The following HMCN1 variants were observed in gnomAD, a reference collection of about 807,000 sequenced individuals.
HMCN1 encodes the protein hemicentin-1.
A neutral mutation model predicts 625.9 loss-of-function variants in HMCN1; 321 were observed. That is an observed-to-expected ratio of 0.51 (90% CI 0.47 to 0.56). The LOEUF is 0.56. Among genes scored for constraint, HMCN1 ranks in the 20% least tolerant of loss-of-function variants. HMCN1 has a pLI of 0.00. For synonymous variants in HMCN1, 2,425 were observed against 2,417.6 expected, an observed-to-expected ratio of 1.00 and a Z score of -0.09; for missense variants, 6,588 against 6,887.3, an observed-to-expected ratio of 0.96 and a Z score of 1.54.
chr1:185,797,683 T>TAGATTTCTTTTGTGCA (rs1553241679), intron 1 of HMCN1, among the ~76,000 whole-genome samples: 17 of 147,822 alleles, frequency 1.2e-4, no homozygotes, highest in African/African-American at 4.3e-4. Context: ...AAGACTTGTT[T>TAGATTTCTTTTGTGCA]TGGCCGGGCG....
intron 36 of HMCN1, among the ~76,000 whole-genome samples, chr1:186,025,705 A>T (rs1482174711): frequency 6.6e-6 from 1 of 152,206 alleles, no homozygotes; most frequent in Non-Finnish European, 1.5e-5. Context: ...CGGGAGATGC[A>T]ATTAGGGTGC....
chr1:186,116,918 G>A, intron 75 of HMCN1, 76 bp from the exon 76 acceptor site: 3 of 1,515,380 alleles, frequency 2.0e-6, no homozygotes, highest in African/African-American at 1.4e-5. Context: ...TTACAACATG[G>A]TACCATGTTA....
intron 4 of HMCN1, among the ~76,000 whole-genome samples, chr1:185,900,544 G>A (rs773766725): frequency 8.6e-5 from 13 of 151,810 alleles, no homozygotes; most frequent in Non-Finnish European, 1.3e-4. Context: ...CACATAGATG[G>A]CTCATCTTTT....
At chr1:186,167,551 T>C (rs1442784867) in intron 100 of HMCN1, among the ~76,000 whole-genome samples, 1 of 152,178 alleles carries the variant, frequency 6.6e-6, no homozygotes, top group Admixed American at 6.5e-5. Context: ...TTCTATGGGT[T>C]TGCAAAAATT....
intron 1 of HMCN1, among the ~76,000 whole-genome samples, chr1:185,808,443 C>T (rs1038218141): frequency 1.3e-5 from 2 of 152,174 alleles, no homozygotes; most frequent in South Asian, 2.1e-4. Context: ...CACTTGAGCC[C>T]GGAAAGTTGA....
intron 4 of HMCN1, among the ~76,000 whole-genome samples, chr1:185,880,339 C>T (rs937943172): frequency 1.8e-4 from 27 of 152,118 alleles, no homozygotes; most frequent in Admixed American, 5.9e-4. Context: ...GCAGGTAATT[C>T]CATACTAGGG....
At chr1:186,041,334 A>G (rs552126234) in intron 40 of HMCN1, among the ~76,000 whole-genome samples, 198 bp downstream of exon 40, 1 of 152,144 alleles carries the variant, frequency 6.6e-6, no homozygotes, top group Non-Finnish European at 1.5e-5. Flanking sequence ...GTTCTGAGAA[A>G]GTAAAATGCA....
At chr1:186,143,253 C>A (rs988146736) in intron 89 of HMCN1, among the ~76,000 whole-genome samples, 3 of 152,192 alleles carry the variant, frequency 2.0e-5, no homozygotes, top group Admixed American at 6.5e-5. Flanking sequence ...TGGTTTTCAA[C>A]TTGTTCTGGA....
At chr1:185,924,926 G>A in intron 8 of HMCN1, 121 bp from the exon 9 acceptor site, 1 of 887,706 alleles carries the variant, frequency 1.1e-6, no homozygotes, top group South Asian at 1.4e-5. Context: ...TAATTGGAAT[G>A]CAGAGGATTT....
chr1:185,739,979 G>GA (rs944376538), intron 1 of HMCN1, among the ~76,000 whole-genome samples: 1 of 152,206 alleles, frequency 6.6e-6, no homozygotes, highest in South Asian at 2.1e-4. Context: ...TACAGGTGGA[G>GA]AAAAAATAAA....
chr1:186,189,267 T>G (rs73042580), intron 106 of HMCN1, among the ~76,000 whole-genome samples: 2,972 of 152,312 alleles, frequency 0.02, 88 homozygotes, highest in African/African-American at 0.067. Context: ...CTTCAATGGC[T>G]CAGACACTTC....
In HMCN1 at chr1:186,038,894, G is replaced by A. The variant is rs1469913705; in HGVS notation, c.5917G>A (p.Gly1973Arg). 1 of 1,603,654 alleles carries A rather than the reference G, an allele frequency of 6.2e-7. No individual in the cohort carries two copies. The change falls in exon 38 of 107, where the codon GGA becomes AGA. Residue 1973 changes from glycine (G) to arginine (R), a missense_variant. By Grantham distance (125) the Gly-to-Arg change is moderately radical (BLOSUM62 -2). Around this residue, in one of 3 missense-constraint regions of HMCN1, gnomAD observed 4,628 missense variants for 4,853.1 expected, o/e 0.95. Transcript: ENST00000271588. ...CACCAGCATGACTTTCTTGAACAGA[G>A]GACAGATCATTGATATTGAAAGTGC... ...GSTSMTFLNR[G>R]QIIDIESAQI...
chr1:186,168,392 G>A (rs1474915454), intron 100 of HMCN1, among the ~76,000 whole-genome samples: 6 of 151,622 alleles, frequency 4.0e-5, no homozygotes, highest in African/African-American at 1.2e-4. Context: ...GGCTGAAGTT[G>A]CAGTGAGCTG....
intron 98 of HMCN1, among the ~76,000 whole-genome samples, chr1:186,165,857 A>T (rs1337727925): frequency 1.3e-5 from 2 of 152,220 alleles, no homozygotes; most frequent in Non-Finnish European, 2.9e-5. Flanking sequence ...AAGGATAGTA[A>T]TAAAAATACT....
intron 11 of HMCN1, among the ~76,000 whole-genome samples, chr1:185,956,461 A>G (rs764833745): frequency 1.5e-3 from 235 of 152,238 alleles, no homozygotes; most frequent in Non-Finnish European, 2.3e-3. Flanking sequence ...CTTTACTTTT[A>G]CTCATTTATT....
At chr1:186,136,240 C>T (rs896542900) in intron 86 of HMCN1, among the ~76,000 whole-genome samples, 2 of 152,076 alleles carry the variant, frequency 1.3e-5, no homozygotes, top group African/African-American at 4.8e-5. Context: ...AGTGAATATT[C>T]ACCATATAAA....
intron 46 of HMCN1, among the ~76,000 whole-genome samples, chr1:186,061,631 ATATT>A (rs1217536528): frequency 2.2e-4 from 33 of 152,258 alleles, no homozygotes; most frequent in African/African-American, 7.9e-4. Context: ...ACCTAACATT[ATATT>A]TATTTTTTTA....
chr1:185,848,183 T>A (rs1047051312), intron 2 of HMCN1, among the ~76,000 whole-genome samples: 1 of 152,154 alleles, frequency 6.6e-6, no homozygotes, highest in Non-Finnish European at 1.5e-5. Flanking sequence ...TTACTCCCAT[T>A]TCTGCCATTC....
intron 11 of HMCN1, among the ~76,000 whole-genome samples, chr1:185,950,162 T>G (rs1212012809): frequency 6.6e-6 from 1 of 151,200 alleles, no homozygotes; most frequent in Non-Finnish European, 1.5e-5. Context: ...TCGGGAATAA[T>G]GTGGGAGGCC....
Sources: gnomAD v4.1 joint callset for allele counts (sites outside exome capture counted in the v4.1 genomes callset) on GRCh38, gnomAD v4.1.1 for gene constraint, gnomAD v4.1.1 regional missense constraint, MANE v1.5 for transcripts, NCBI Gene and HGNC (gene_info 2026-07-23, HGNC 2026-07-21) for gene names.